EXT1: variants seen among roughly 807,000 people sequenced by gnomAD.
The protein encoded by EXT1 is exostosin glycosyltransferase 1, also known as exostosin-1.
In EXT1, 20 loss-of-function variants were observed where a neutral mutation model predicts 82.5. That is an observed-to-expected ratio of 0.24 (90% confidence interval 0.17 to 0.35). The LOEUF (loss-of-function observed/expected upper bound fraction) is 0.35, where lower values mean the gene tolerates loss of function less well. EXT1 is among the 10% of genes least tolerant of loss of function. The pLI is 1.00. For synonymous variants in EXT1, 348 were observed against 350.8 expected (o/e 0.99, Z 0.09); for missense variants, 757 against 936.5 (o/e 0.81, Z 2.50).
intron 1 of EXT1, among the ~76,000 whole-genome samples, chr8:117,854,464 A>G (rs2129840190): frequency 6.6e-6 from 1 of 152,132 alleles, no homozygotes; most frequent in East Asian, 1.9e-4. Flanking sequence ...ACACACACAT[A>G]CACACACACA....
chr8:117,847,237 C>T (rs1189492418), intron 1 of EXT1, among the ~76,000 whole-genome samples: 1 of 152,190 alleles, frequency 6.6e-6, no homozygotes, highest in East Asian at 1.9e-4. Flanking sequence ...ACAACAATGT[C>T]CACTTTAACA....
intron 2 of EXT1, among the ~76,000 whole-genome samples, chr8:117,836,619 A>G (rs562132080): frequency 9.5e-4 from 145 of 152,224 alleles, no homozygotes; most frequent in Non-Finnish European, 1.5e-3. Context: ...CTCCCACCAC[A>G]AAGGCTCCAG....
At chr8:117,868,162 A>G (rs1246323020) in intron 1 of EXT1, among the ~76,000 whole-genome samples, 1 of 152,160 alleles carries the variant, frequency 6.6e-6, no homozygotes, top group Non-Finnish European at 1.5e-5. Flanking sequence ...CAACCTCATC[A>G]AGAGAGGCTA....
chr8:118,000,915 A>G (rs2129809786), intron 1 of EXT1, among the ~76,000 whole-genome samples: 1 of 152,252 alleles, frequency 6.6e-6, no homozygotes, highest in Middle Eastern at 3.4e-3. Context: ...AAAACTGGGG[A>G]GCCCAACATA....
chr8:118,093,148 C>A (rs58073695), intron 1 of EXT1, among the ~76,000 whole-genome samples: 6 of 150,990 alleles, frequency 4.0e-5, no homozygotes, highest in Non-Finnish European at 8.8e-5. Flanking sequence ...TACAAGAAAA[C>A]TTTGGGAAAA....
intron 1 of EXT1, among the ~76,000 whole-genome samples, chr8:118,068,525 CCT>C (rs1479627476): frequency 6.6e-6 from 1 of 152,144 alleles, no homozygotes; most frequent in African/African-American, 2.4e-5. Context: ...TGTTCCCCTC[CCT>C]GTGTCCATGT....
In EXT1 at chr8:118,110,955, G is replaced by C. The variant is rs766091879; in HGVS notation, c.92C>G (p.Ser31Trp). ...TTCTTCTCTCCGGCTGTGGCTCCTC[G>C]ATGCCCTAAACTGCAAGCCTCCGAA... ...FYFGGLQFRA[S>W]RSHSRREEHS... Residue 31 changes from serine (S) to tryptophan (W), a missense_variant, in exon 1 of 11, where the codon TCG becomes TGG. Ser to Trp is a radical substitution (Grantham distance 177). Coordinates refer to ENST00000378204, the MANE Select transcript of EXT1 (RefSeq NM_000127.3). 6.2e-7 allele frequency: 1 copy of C among 1,612,858 alleles called. No individual in the cohort carries two copies. The highest frequency in any genetic ancestry group is 8.5e-7 in the Non-Finnish European group (1 of 1,180,012).
chr8:117,861,488 C>CTT (rs755653091), intron 1 of EXT1, among the ~76,000 whole-genome samples: 3,386 of 86,788 alleles, frequency 0.039, 213 homozygotes, highest in African/African-American at 0.081. Flanking sequence ...AAGTTTTTAT[C>CTT]TTTTTTTTTT....
intron 1 of EXT1, among the ~76,000 whole-genome samples, chr8:118,070,973 T>C (rs1817080804): frequency 6.6e-6 from 1 of 152,230 alleles, no homozygotes; most frequent in Admixed American, 6.5e-5. Context: ...ATTTGTGATC[T>C]GACCCTTTCA....
At chr8:117,830,405 T>G in intron 3 of EXT1, 56 bp from the exon 4 acceptor site, 1 of 1,600,390 alleles carries the variant, frequency 6.2e-7, no homozygotes, top group South Asian at 1.1e-5. Context: ...GAGATGCACT[T>G]GATCAAAATA....
chr8:117,942,566 C>G (rs1814304907), intron 1 of EXT1, among the ~76,000 whole-genome samples: 1 of 152,054 alleles, frequency 6.6e-6, no homozygotes, highest in Admixed American at 6.6e-5. Flanking sequence ...ACAAAATTAG[C>G]CAGGCATGGT....
At chr8:117,855,242 T>C (rs1812521709) in intron 1 of EXT1, among the ~76,000 whole-genome samples, 3 of 152,236 alleles carry the variant, frequency 2.0e-5, no homozygotes, top group African/African-American at 2.4e-5. Context: ...CTTCACTTTA[T>C]TGCACTTTGC....
At chr8:118,055,709 T>C (rs1816784375) in intron 1 of EXT1, among the ~76,000 whole-genome samples, 2 of 152,210 alleles carry the variant, frequency 1.3e-5, no homozygotes. Context: ...TAATAGAGCC[T>C]CCTTCATAGG....
At chr8:117,888,777 T>G (rs1157015156) in intron 1 of EXT1, among the ~76,000 whole-genome samples, 1 of 152,220 alleles carries the variant, frequency 6.6e-6, no homozygotes, top group African/African-American at 2.4e-5. Flanking sequence ...CTCCAGCCCC[T>G]GCTATCATCC....
At chr8:117,852,783 C>A (rs956481245) in intron 1 of EXT1, among the ~76,000 whole-genome samples, 4 of 152,174 alleles carry the variant, frequency 2.6e-5, no homozygotes, top group African/African-American at 7.2e-5. Flanking sequence ...ACCCACTAAG[C>A]ACCAGGCATT....
chr8:118,067,979 A>G (rs573255409), intron 1 of EXT1, among the ~76,000 whole-genome samples: 1 of 152,360 alleles, frequency 6.6e-6, no homozygotes, highest in East Asian at 1.9e-4. Context: ...CATTTGCAAT[A>G]TTAGTAACAA....
chr8:117,964,311 C>G (rs928810199), intron 1 of EXT1, among the ~76,000 whole-genome samples: 2 of 152,216 alleles, frequency 1.3e-5, no homozygotes, highest in Admixed American at 1.3e-4. Context: ...TCCACATTGG[C>G]TTCTAGAGTA....
intron 1 of EXT1, among the ~76,000 whole-genome samples, chr8:117,948,041 T>A (rs1289307753): frequency 6.6e-6 from 1 of 152,172 alleles, no homozygotes; most frequent in East Asian, 1.9e-4. Flanking sequence ...CTGTAATCAG[T>A]CCATCAACAC....
chr8:117,896,690 A>G (rs562675176), intron 1 of EXT1, among the ~76,000 whole-genome samples: 1 of 152,348 alleles, frequency 6.6e-6, no homozygotes, highest in East Asian at 1.9e-4. Flanking sequence ...GAAATCCAAA[A>G]GAAAAATATT....
Sources: allele counts gnomAD v4.1 joint callset (sites outside exome capture counted in the v4.1 genomes callset), GRCh38; gene constraint gnomAD v4.1.1; transcripts MANE v1.5; gene names NCBI Gene and HGNC (gene_info 2026-07-23, HGNC 2026-07-21).